Variants in SMG6 observed in about 807,000 individuals in gnomAD.
SMG6 encodes the protein SMG6 nonsense mediated mRNA decay factor, also known as telomerase-binding protein EST1A.
SMG6 carries 66 observed loss-of-function variants against 142.2 expected under a neutral mutation model. That is an observed-to-expected ratio of 0.46 (90% CI 0.38 to 0.57). SMG6 has a LOEUF of 0.57. Ranked by LOEUF, SMG6 falls within the 20% of genes least tolerant of loss-of-function variation. SMG6 has a pLI of 0.00. For synonymous variants in SMG6, 779 were observed against 702.4 expected, an observed-to-expected ratio of 1.11 and a Z score of -1.72; for missense variants, 1,793 against 1,832.0, an observed-to-expected ratio of 0.98 and a Z score of 0.39.
chr17:2,099,063 T>A (rs1181712396), intron 13 of SMG6, among the ~76,000 whole-genome samples: 2 of 152,192 alleles, frequency 1.3e-5, no homozygotes, highest in Admixed American at 6.5e-5. Flanking sequence ...TGTGTGTGCT[T>A]AAAATAAAAT....
chr17:2,298,116 GTT>G, intron 2 of SMG6, 61 bp from the exon 3 acceptor site: 1 of 1,487,558 alleles, frequency 6.7e-7, no homozygotes, highest in East Asian at 2.3e-5. Flanking sequence ...CTAGACTCAA[GTT>G]TTGAGATTCC....
chr17:2,142,525 T>TTCTATCTA (rs74918512), intron 13 of SMG6, among the ~76,000 whole-genome samples: 3 of 150,808 alleles, frequency 2.0e-5, no homozygotes, highest in Non-Finnish European at 4.4e-5. Flanking sequence ...AATGTAATCT[T>TTCTATCTA]TCTATCTATC....
intron 8 of SMG6, among the ~76,000 whole-genome samples, chr17:2,273,372 C>T (rs2074580123): frequency 6.6e-6 from 1 of 152,068 alleles, no homozygotes; most frequent in Admixed American, 6.6e-5. Flanking sequence ...AAAAATTAGC[C>T]AGGCGTGGCT....
chr17:2,234,883 T>G (rs1339129147), intron 10 of SMG6, among the ~76,000 whole-genome samples: 2 of 152,206 alleles, frequency 1.3e-5, no homozygotes, highest in African/African-American at 4.8e-5. Context: ...ATTTTTGGTA[T>G]TTAAAGGCAG....
At chr17:2,259,673 CAAAAAAAAAA>C (rs11289865) in intron 8 of SMG6, among the ~76,000 whole-genome samples, 51 of 86,158 alleles carry the variant, frequency 5.9e-4, no homozygotes, top group Non-Finnish European at 9.3e-4. Flanking sequence ...ACCCTGTCTC[CAAAAAAAAAA>C]AAAAAAAAAA....
chr17:2,300,073 C>T lies in SMG6; in HGVS notation c.680G>A (p.Arg227Lys). ...GKRMGKGEGV[R>K]ETHDDPARGR... ...GCGGGCTGGGTCGTCGTGGGTTTCC[C>T]TCACCCCCTCCCCTTTTCCCATCCT... The change falls in exon 2 of 19, where the codon AGG becomes AAG. Residue 227 changes from arginine to lysine, a missense_variant. Arg to Lys is a conservative substitution (Grantham distance 26). Transcript: ENST00000263073. The T allele has an allele frequency of 6.2e-7, 1 of 1,613,006 alleles. No individual in the cohort carries two copies. Among genetic ancestry groups the T allele is most frequent in the Non-Finnish European group, 8.5e-7 (1 of 1,179,002 alleles).
intron 10 of SMG6, among the ~76,000 whole-genome samples, chr17:2,216,260 G>T (rs2073016565): frequency 6.6e-6 from 1 of 152,100 alleles, no homozygotes; most frequent in Non-Finnish European, 1.5e-5. Flanking sequence ...AAGGAATGGG[G>T]TCAAGAGCAT....
intron 13 of SMG6, chr17:2,088,276 T>A: frequency 1.0e-6 from 1 of 985,336 alleles, no homozygotes; most frequent in South Asian, 4.7e-5. Context: ...AAAAGCCACA[T>A]GTGTGGATGT....
intron 8 of SMG6, among the ~76,000 whole-genome samples, chr17:2,279,163 T>C (rs2074726690): frequency 6.6e-6 from 1 of 152,182 alleles, no homozygotes; most frequent in Non-Finnish European, 1.5e-5. Flanking sequence ...ACATTTAGGC[T>C]GAGACCTGAA....
At chr17:2,252,899 G>C (rs1046873633) in intron 8 of SMG6, among the ~76,000 whole-genome samples, 2 of 151,198 alleles carry the variant, frequency 1.3e-5, no homozygotes, top group African/African-American at 4.9e-5. Context: ...GCTAAGAATG[G>C]TTTTTACATT....
intron 8 of SMG6, among the ~76,000 whole-genome samples, chr17:2,251,478 A>G (rs961300043): frequency 1.3e-5 from 2 of 152,284 alleles, no homozygotes; most frequent in African/African-American, 2.4e-5. Context: ...ATTAGCTTCA[A>G]TTAAACATAA....
At chr17:2,300,688 G>A in intron 1 of SMG6, 24 bp from the exon 2 acceptor site, 1 of 1,535,658 alleles carries the variant, frequency 6.5e-7, no homozygotes, top group Non-Finnish European at 8.7e-7. Flanking sequence ...GAAAGAGTTT[G>A]GGAGGGAAAG....
chr17:2,174,334 T>C (rs904956975), intron 12 of SMG6, among the ~76,000 whole-genome samples: 1 of 152,196 alleles, frequency 6.6e-6, no homozygotes, highest in Non-Finnish European at 1.5e-5. Flanking sequence ...TTGTTTCTCC[T>C]GGAGACCAAG....
intron 7 of SMG6, 78 bp downstream of exon 7, chr17:2,283,547 G>A (rs1177715777): frequency 1.7e-6 from 2 of 1,149,074 alleles, no homozygotes; most frequent in South Asian, 1.2e-5. Flanking sequence ...TCCTGCCGGT[G>A]CGCAGAGCTA....
chr17:2,231,530 C>CTACTAAAA (rs1188361266), intron 10 of SMG6, among the ~76,000 whole-genome samples: 1 of 152,128 alleles, frequency 6.6e-6, no homozygotes, highest in Admixed American at 6.6e-5. Flanking sequence ...ACCCCCGTCT[C>CTACTAAAA]TACTAAAAAT....
At chr17:2,294,698 A>G (rs140552720) in intron 4 of SMG6, among the ~76,000 whole-genome samples, 3,777 of 152,256 alleles carry the variant, frequency 0.025, 76 homozygotes, top group South Asian at 0.072. Flanking sequence ...AACCCTTTAC[A>G]GTATACACCC....
At chr17:2,199,231 G>A (rs1204167409) in intron 10 of SMG6, among the ~76,000 whole-genome samples, 1 of 152,238 alleles carries the variant, frequency 6.6e-6, no homozygotes, top group Non-Finnish European at 1.5e-5. Context: ...AGGGCAGTCA[G>A]AGGAAAAAGC....
intron 13 of SMG6, among the ~76,000 whole-genome samples, chr17:2,120,823 T>A (rs976754457): frequency 1.3e-5 from 2 of 152,132 alleles, no homozygotes; most frequent in African/African-American, 2.4e-5. Context: ...AGAAAGAGGA[T>A]GTGAAGCAAT....
At chr17:2,127,598 A>G in intron 13 of SMG6, 1 of 584,158 alleles carries the variant, frequency 1.7e-6, no homozygotes, top group South Asian at 1.4e-5. Context: ...TGGGCATGCA[A>G]TGTCACTATT....
Sources: allele counts gnomAD v4.1 joint callset (sites outside exome capture counted in the v4.1 genomes callset), GRCh38; gene constraint gnomAD v4.1.1; transcripts MANE v1.5; gene names NCBI Gene and HGNC (gene_info 2026-07-23, HGNC 2026-07-21).